The following KLF17 variants were observed in gnomAD, a reference collection of about 807,000 sequenced individuals.
KLF17 encodes KLF transcription factor 17.
In KLF17, 31 loss-of-function variants were observed where a neutral mutation model predicts 34.2. That is an observed-to-expected ratio of 0.91 (90% CI 0.68 to 1.22). The LOEUF (loss-of-function observed/expected upper bound fraction) is 1.22. Among genes scored for constraint, KLF17 ranks in the 50% most tolerant of loss-of-function variants. The probability of loss-of-function intolerance (pLI) is 0.00; values close to 1 mark genes in which losing one functional copy is unlikely to be tolerated. For synonymous variants in KLF17, 179 were observed against 186.7 expected, an observed-to-expected ratio of 0.96 and a Z score of 0.34; for missense variants, 478 against 505.2, an observed-to-expected ratio of 0.95 and a Z score of 0.52.
Position 44,130,567 on chromosome 1 carries a change from T to C in KLF17, c.981T>C (p.Ser327=). 1.2e-6 allele frequency: 2 copies of C among 1,614,174 alleles called. No homozygotes were observed. The highest frequency in any genetic ancestry group is 2.2e-5 in the South Asian group (2 of 91,080). ...WESCSWSFFR[S]DELRRHMRVH... ...GTTGTTCATGGTCTTTCTTCCGTTCTGATGAGCTTAGACGACATATGCGGG... is the reference window on the plus strand; with the variant it reads ...GTTGTTCATGGTCTTTCTTCCGTTCCGATGAGCTTAGACGACATATGCGGG... The change falls in exon 3 of 4, where the codon TCT becomes TCC. Residue 327 remains serine (S), a synonymous_variant. Transcript: ENST00000372299.
At chr1:44,086,474 A>C in the KLF17 span, among the ~76,000 whole-genome samples, 1 of 43,064 alleles carries the variant, frequency 2.3e-5, no homozygotes, top group East Asian at 5.8e-4. Context: ...CTCAAAAATA[A>C]ATAAATAAAT....
intron 1 of KLF17, 133 bp downstream of exon 1, chr1:44,119,121 G>T: frequency 2.6e-6 from 1 of 387,112 alleles, no homozygotes; most frequent in Non-Finnish European, 4.4e-6. Flanking sequence ...GGGAGGGGTG[G>T]CAAAGGAAGG....
chr1:44,129,211 A>G (rs1438815969), intron 1 of KLF17, 142 bp from the exon 2 acceptor site: 12 of 1,016,694 alleles, frequency 1.2e-5, no homozygotes, highest in Non-Finnish European at 4.1e-6. Flanking sequence ...AGAAAGCCCA[A>G]GCTGGGAAAT....
At chr1:44,132,179 G>A (rs1457506766) in intron 3 of KLF17, among the ~76,000 whole-genome samples, 2 of 152,136 alleles carry the variant, frequency 1.3e-5, no homozygotes, top group East Asian at 1.9e-4. Context: ...GGTGGCGTGC[G>A]CCTGTAGTCC....
chr1:44,108,660 CTTTTTTTTTTTTT>C, the KLF17 span, among the ~76,000 whole-genome samples: 8 of 75,336 alleles, frequency 1.1e-4, no homozygotes, highest in Non-Finnish European at 1.4e-4. Flanking sequence ...TTTGTTAGCT[CTTTTTTTTTTTTT>C]TTTTTTTTTT....
chr1:44,106,646 C>T, the KLF17 span: 1 of 152,084 alleles, frequency 6.6e-6, no homozygotes, highest in Admixed American at 6.6e-5. Context: ...TATTCACTGC[C>T]CATGGTGAGT....
the KLF17 span, among the ~76,000 whole-genome samples, chr1:44,060,230 G>A: frequency 6.6e-6 from 1 of 152,098 alleles, no homozygotes; most frequent in South Asian, 2.1e-4. Flanking sequence ...AGCACTTTAG[G>A]AGGCCAAGCC....
chr1:44,096,594 T>C, the KLF17 span, among the ~76,000 whole-genome samples: 8 of 151,768 alleles, frequency 5.3e-5, no homozygotes, highest in Non-Finnish European at 1.2e-4. Context: ...GGAGACGAGG[T>C]TTACACCGTG....
the KLF17 span, chr1:44,106,645 C>T: frequency 1.3e-5 from 2 of 152,134 alleles, no homozygotes; most frequent in Non-Finnish European, 2.9e-5. Context: ...TTATTCACTG[C>T]CCATGGTGAG....
At chr1:44,091,936 AC>A in the KLF17 span, among the ~76,000 whole-genome samples, 1 of 134,486 alleles carries the variant, frequency 7.4e-6, no homozygotes. Flanking sequence ...AACCCAAAAA[AC>A]AACAACAACA....
At chr1:44,084,680 A>T in the KLF17 span, among the ~76,000 whole-genome samples, 1 of 24,038 alleles carries the variant, frequency 4.2e-5, no homozygotes, top group Non-Finnish European at 7.8e-5. Flanking sequence ...ATCTTGTCTC[A>T]AAAAAAAAAA....
upstream of KLF17, chr1:44,117,489 A>ATTTTATTTTATTT (rs1442535224): frequency 1.4e-5 from 2 of 140,782 alleles, no homozygotes; most frequent in African/African-American, 5.4e-5. Flanking sequence ...ATTTTATTTT[A>ATTTTATTTTATTT]TATTTTATTT....
chr1:44,067,919 T>C, the KLF17 span, among the ~76,000 whole-genome samples: 3 of 152,092 alleles, frequency 2.0e-5, no homozygotes, highest in African/African-American at 7.2e-5. Context: ...GTGTTTCCTG[T>C]GTACCCTGGA....
the KLF17 span, among the ~76,000 whole-genome samples, chr1:44,072,345 C>G: frequency 6.6e-6 from 1 of 151,966 alleles, no homozygotes; most frequent in African/African-American, 2.4e-5. Context: ...GGGGACTAAT[C>G]TGAGCTGGAG....
the KLF17 span, among the ~76,000 whole-genome samples, chr1:44,094,607 C>T: frequency 6.6e-6 from 1 of 152,148 alleles, no homozygotes; most frequent in African/African-American, 2.4e-5. Flanking sequence ...TATCCTCTCC[C>T]CAATGTATGT....
At chr1:44,048,876 G>A in the KLF17 span, among the ~76,000 whole-genome samples, 1 of 152,144 alleles carries the variant, frequency 6.6e-6, no homozygotes, top group Non-Finnish European at 1.5e-5. Flanking sequence ...GCTTTTTATT[G>A]GAGTAAATCA....
the KLF17 span, among the ~76,000 whole-genome samples, chr1:44,075,759 AAAC>A: frequency 2.0e-5 from 3 of 152,216 alleles, no homozygotes; most frequent in African/African-American, 4.8e-5. Context: ...TGGTGAGAAC[AAAC>A]AACAATTTAT....
chr1:44,087,763 T>C, the KLF17 span, among the ~76,000 whole-genome samples: 2,087 of 56,014 alleles, frequency 0.037, 64 homozygotes, highest in African/African-American at 0.11. Flanking sequence ...TATATATATA[T>C]ATATATACAC....
the KLF17 span, among the ~76,000 whole-genome samples, chr1:44,084,201 C>G: frequency 1.3e-5 from 2 of 152,136 alleles, no homozygotes; most frequent in Admixed American, 1.3e-4. Context: ...ACATTTTAAC[C>G]AATTTATGTT....
Sources: allele counts gnomAD v4.1 joint callset (sites outside exome capture counted in the v4.1 genomes callset), GRCh38; gene constraint gnomAD v4.1.1; transcripts MANE v1.5; gene names NCBI Gene and HGNC (gene_info 2026-07-23, HGNC 2026-07-21).